The following TEP1 variants were observed in gnomAD, a reference collection of about 807,000 sequenced individuals.
TEP1 encodes telomerase protein component 1.
Under a neutral mutation model 306.3 loss-of-function variants are expected in TEP1, and 241 were observed. That is an observed-to-expected ratio of 0.79 (90% CI 0.71 to 0.88). TEP1 has a LOEUF of 0.88. Among genes scored for constraint, TEP1 ranks in the 40% least tolerant of loss-of-function variants. The pLI, the probability that TEP1 is intolerant of heterozygous loss-of-function variation, is 0.00. For synonymous variants in TEP1, 1,289 were observed against 1,305.5 expected, an observed-to-expected ratio of 0.99 and a Z score of 0.27; for missense variants, 3,051 against 3,276.1, an observed-to-expected ratio of 0.93 and a Z score of 1.68.
chr14:20,376,840 T>C (rs1885203350), intron 41 of TEP1, among the ~76,000 whole-genome samples: 1 of 152,162 alleles, frequency 6.6e-6, no homozygotes, highest in Non-Finnish European at 1.5e-5. Flanking sequence ...ACTTTGAAAG[T>C]TGTAAAACAA....
At chr14:20,384,351 G>A (rs1182564084) in intron 23 of TEP1, 40 bp downstream of exon 23, 3 of 1,612,552 alleles carry the variant, frequency 1.9e-6, no homozygotes, top group African/African-American at 1.3e-5. Flanking sequence ...ACCACCCCAT[G>A]TCCCTCTCCA....
intron 12 of TEP1, among the ~76,000 whole-genome samples, chr14:20,394,087 C>CA (rs1016542135): frequency 1.1e-4 from 16 of 140,210 alleles, no homozygotes; most frequent in South Asian, 2.5e-4. Flanking sequence ...AATCCTGTCT[C>CA]AAAAAAAAAA....
At position 20,408,224 on chromosome 14, in the gene TEP1, T is replaced by C. The variant is rs1879360114; in HGVS notation, c.216A>G (p.Pro72=). Reference sequence around the variant, plus strand: ...ACTGGTTCTCCAAGGAGAGGATGTCTGGGTGGGCAGACACATATCCATGTG... The same window carrying C: ...ACTGGTTCTCCAAGGAGAGGATGTCCGGGTGGGCAGACACATATCCATGTG... ...EKPHGYVSAH[P]DILSLENQCL... The change falls in exon 2 of 55, where the codon CCA becomes CCG. Residue 72 remains proline, a synonymous_variant. Coordinates refer to ENST00000262715, the MANE Select transcript of TEP1 (RefSeq NM_007110.5). The C allele has an allele frequency of 1.9e-6, 3 of 1,613,610 alleles. No individual in the cohort carries two copies. Among genetic ancestry groups the C allele is most frequent in the Non-Finnish European group, 2.5e-6 (3 of 1,179,560 alleles).
chr14:20,374,578 C>T, intron 43 of TEP1, 42 bp from the exon 44 acceptor site: 2 of 1,479,290 alleles, frequency 1.4e-6, no homozygotes, highest in African/African-American at 1.4e-5. Flanking sequence ...ATCAGCATCC[C>T]TCCAGCATTT....
At chr14:20,375,952 G>A in intron 42 of TEP1, 84 bp from the exon 43 acceptor site, 1 of 1,490,246 alleles carries the variant, frequency 6.7e-7, no homozygotes. Context: ...GAAATTTCAA[G>A]GAAAGAGGGG....
Position 20,391,748 on chromosome 14 carries a change from C to T in TEP1, c.1948G>A (p.Glu650Lys), listed in dbSNP as rs760467813. The change falls in exon 13 of 55, where the codon GAG becomes AAG. Residue 650 changes from glutamate (E) to lysine (K), a missense_variant. Around this residue, in one of 3 missense-constraint regions of TEP1, gnomAD observed 1,507 missense variants for 1,550.5 expected, o/e 0.97. Transcript: ENST00000262715. Reference protein sequence around the residue: ...HKARQWKYDGEMLNRYRQALE... With the variant: ...HKARQWKYDGKMLNRYRQALE... ...GCCTGTCGGTACCTGTTCAGCATCTCACCATCATATTTCCACTGTCTACAT... is the reference window on the plus strand; with the variant it reads ...GCCTGTCGGTACCTGTTCAGCATCTTACCATCATATTTCCACTGTCTACAT... 1 of 1,614,138 alleles carries T rather than the reference C, an allele frequency of 6.2e-7. No individual in the cohort carries two copies. Among genetic ancestry groups the T allele is most frequent in the South Asian group, 1.1e-5 (1 of 91,084 alleles).
chr14:20,379,454 T>C (rs149856742), intron 35 of TEP1, among the ~76,000 whole-genome samples: 3 of 152,338 alleles, frequency 2.0e-5, no homozygotes, highest in Non-Finnish European at 4.4e-5. Context: ...TAGCCTCCCA[T>C]AAGCACGCTG....
In TEP1 at chr14:20,386,119, T is replaced by G; in HGVS notation, c.2938A>C (p.Ile980Leu). 3.1e-6 allele frequency: 5 copies of G among 1,612,976 alleles called. No individual in the cohort carries two copies. The South Asian group carries it at 3.3e-5, about 11-fold the overall frequency. ...VGILGSRYGY[I>L]PPSYNLPDHP... ...TCAGGAAGGTTGTAGCTGGGGGGAA[T>G]GTATCCATAACGGGAGCCCAGAATC... The change falls in exon 20 of 55, where the codon ATT (isoleucine) becomes CTT (leucine). Residue 980 changes from isoleucine (I) to leucine (L), a missense_variant. Coordinates refer to ENST00000262715, the MANE Select transcript of TEP1 (RefSeq NM_007110.5).
rs751915458 is a variant in TEP1 at position 20,391,017 on chromosome 14, C to T, written c.2177G>A (p.Gly726Asp). ...AEQVDVVLCG[G>D]DTLKTAVLKA... ...AAGCACTGCAGTCTTCAGAGTGTCA[C>T]CTCCACACAGCACGACGTCCACCTG... is the stretch of plus-strand genomic sequence containing the variant. The change falls in exon 14 of 55, where the codon GGT becomes GAT. Residue 726 changes from glycine (G) to aspartate (D), a missense_variant. This residue lies in a region of TEP1 where 1,507 missense variants were observed against 1,550.5 expected (regional missense o/e 0.97). Transcript: ENST00000262715. 2.5e-6 allele frequency: 4 copies of T among 1,614,142 alleles called. No individual in the cohort carries two copies. The highest frequency in any genetic ancestry group is 3.4e-6 in the Non-Finnish European group (4 of 1,180,042).
rs1199649831 is a variant in TEP1, at chr14:20,366,323, G to A, written c.*2114C>T. 6.6e-6 allele frequency: 1 copy of A among 152,202 alleles called. No individual in the cohort carries two copies. The highest frequency in any genetic ancestry group is 6.5e-5 in the Admixed American group (1 of 15,280). 9.4% of individuals were successfully genotyped at this position (152,202 alleles called of 1,614,324 possible). A position where few individuals can be genotyped will look rare whatever the true frequency, so the allele number is the denominator to read the frequency against. ...CAAATAGAGCTTCCTCCTGCAATTG[G>A]CCCAAGATTTTAGGGGAGCAAAAGG... On this transcript the variant is annotated 3_prime_UTR_variant, in exon 55 of 55. Transcript: ENST00000262715.
Position 20,372,807 on chromosome 14 carries a change from A to C in TEP1, c.7002T>G (p.Phe2334Leu), listed in dbSNP as rs145820200. 1.2e-6 allele frequency: 2 copies of C among 1,614,124 alleles called. No homozygotes were observed. The highest frequency in any genetic ancestry group is 3.3e-5 in the Admixed American group (2 of 60,010). The change falls in exon 49 of 55, where the codon TTT (phenylalanine) becomes TTG (leucine). Residue 2334 changes from phenylalanine to leucine, a missense_variant. This residue lies in a region of TEP1 where 1,540 missense variants were observed against 1,705.9 expected (regional missense o/e 0.90). Transcript: ENST00000262715. The stretch of plus-strand genomic sequence containing the variant: ...TGATTTTCTCATCAGCACTGAGGAC[A>C]AAAAAGGTGTGTGCCGAGGACCAGA... Reference protein sequence around the residue: ...ALIWSSAHTFFVLSADEKISE... With the variant: ...ALIWSSAHTFLVLSADEKISE...
chr14:20,384,764 C>T (rs1472253070), intron 21 of TEP1, 51 bp from the exon 22 acceptor site: 3 of 1,559,626 alleles, frequency 1.9e-6, no homozygotes, highest in Admixed American at 3.4e-5. Flanking sequence ...CCCAGCCAGC[C>T]TCCCTCCACC....
At position 20,381,197 on chromosome 14, in the gene TEP1, G is replaced by C. The variant is rs1876490314; in HGVS notation, c.4647+116C>G. ...GAAAACTGAAAGGAAAGAGGTCAAG[G>C]GAGTTTGGGAGGGGTAATGGCGGCG... On this transcript the variant is annotated intron_variant, in intron 32 of 54. Coordinates refer to ENST00000262715, the MANE Select transcript of TEP1 (RefSeq NM_007110.5). The surrounding 1 kb of genome is among the most constrained non-coding windows in gnomAD (Gnocchi z 4.0). The C allele has an allele frequency of 1.6e-6, 2 of 1,247,308 alleles. No homozygotes were observed. The highest frequency in any genetic ancestry group is 3.0e-5 in the African/African-American group (2 of 67,466). The allele number at this position is 1,247,308 out of a possible 1,614,324, so 77.3% of individuals were successfully genotyped here.
intron 18 of TEP1, 23 bp downstream of exon 18, chr14:20,387,882 A>G (rs552658685): frequency 6.4e-7 from 1 of 1,560,392 alleles, no homozygotes; most frequent in African/African-American, 1.4e-5. Context: ...CCAATTCACA[A>G]AGGCATAGAA....
In TEP1 at chr14:20,365,902, T is replaced by C. The variant is rs1483967661; in HGVS notation, c.*2535A>G. On this transcript the variant is annotated 3_prime_UTR_variant, in exon 55 of 55. Transcript: ENST00000262715. ...TAAAAAAGATGCTTTTCTAGATGGG[T>C]AGAAGAAAAGATTGTTCAAATGTCC... 1 of 152,198 alleles carries C rather than the reference T, an allele frequency of 6.6e-6. No individual in the cohort carries two copies. Among genetic ancestry groups the C allele is most frequent in the African/African-American group, 2.4e-5 (1 of 41,444 alleles). 9.4% of individuals were successfully genotyped at this position (152,198 alleles called of 1,614,324 possible).
chr14:20,383,501 T>C lies in TEP1; in HGVS notation c.3854A>G (p.Lys1285Arg). 6.2e-7 allele frequency: 1 copy of C among 1,614,188 alleles called. No homozygotes were observed. Among genetic ancestry groups the C allele is most frequent in the East Asian group, 2.2e-5 (1 of 44,878 alleles). Residue 1285 changes from lysine (K) to arginine (R), a missense_variant, in exon 26 of 55, where the codon AAG (lysine) becomes AGG (arginine). By Grantham distance (26) the Lys-to-Arg change is conservative. This residue lies in a region of TEP1 where 1,540 missense variants were observed against 1,705.9 expected (regional missense o/e 0.90). Coordinates refer to ENST00000262715, the MANE Select transcript of TEP1 (RefSeq NM_007110.5). ...TCTCACACTCACCCGGGGAAGCTTC[T>C]TTGGGATCCAGTCTGAAATCAGCTG... Reference protein sequence around the residue: ...NGQLISDWIPKKLPRCVHLVL... With the variant: ...NGQLISDWIPRKLPRCVHLVL...
chr14:20,401,998 G>A (rs1429089686), intron 7 of TEP1, among the ~76,000 whole-genome samples: 3 of 152,212 alleles, frequency 2.0e-5, no homozygotes, highest in African/African-American at 7.2e-5. Flanking sequence ...AAAGTAGGCA[G>A]GGCGTGGTGG....
chr14:20,385,122 CAG>C lies in TEP1; in HGVS notation c.2983-15_2983-14del, dbSNP rs990938002. 7 of 1,613,550 alleles carry C rather than the reference CAG, an allele frequency of 4.3e-6. No individual in the cohort carries two copies. In the East Asian group the frequency reaches 6.7e-5, roughly 15 times the overall value. ...GGTACTGCTGGGCCTGCGGGGAGGA[CAG>C]AGACAGTGAGTTTAGTCCTAGGCCA... On this transcript the variant is annotated splice_polypyrimidine_tract_variant and intron_variant, in intron 20 of 54. Coordinates refer to ENST00000262715, the MANE Select transcript of TEP1 (RefSeq NM_007110.5).
Position 20,380,240 on chromosome 14 carries a change from C to T in TEP1, c.4998G>A (p.Gln1666=), listed in dbSNP as rs1391467768. The T allele has an allele frequency of 1.2e-5, 19 of 1,613,628 alleles. No homozygotes were observed. Among genetic ancestry groups the T allele is most frequent in the Non-Finnish European group, 1.4e-5 (17 of 1,179,634 alleles). The change falls in exon 34 of 55, where the codon CAG becomes CAA. Residue 1666 remains glutamine (Q), a synonymous_variant. Transcript: ENST00000262715. The part of the protein sequence containing the change: ...WLNKPRTMKN[Q]QSSSLSLAVS... Reference sequence around the variant, plus strand: ...GTCTGGGGTCAAGGTCTTACCTTTGCTGATTTTTCATGGTCCGGGGTTTAT... The same window carrying T: ...GTCTGGGGTCAAGGTCTTACCTTTGTTGATTTTTCATGGTCCGGGGTTTAT...
Sources: gnomAD v4.1 joint callset for allele counts (sites outside exome capture counted in the v4.1 genomes callset) on GRCh38, gnomAD v4.1.1 for gene constraint, gnomAD v4.1.1 regional missense constraint, Gnocchi (gnomAD v3.1) non-coding constraint, MANE v1.5 for transcripts, NCBI Gene and HGNC (gene_info 2026-07-23, HGNC 2026-07-21) for gene names.